TCERG1L: variants seen among roughly 807,000 people sequenced by gnomAD.
TCERG1L encodes transcription elongation regulator 1-like protein.
In TCERG1L, 37 loss-of-function variants were observed where a neutral mutation model predicts 56.3. That is an observed-to-expected ratio of 0.66 (90% confidence interval 0.51 to 0.87). TCERG1L has a LOEUF of 0.87. Among genes scored for constraint, TCERG1L ranks in the 40% least tolerant of loss-of-function variants. The probability of loss-of-function intolerance (pLI) is 0.00; values close to 1 mark genes in which losing one functional copy is unlikely to be tolerated. For synonymous variants in TCERG1L, 324 were observed against 326.3 expected, an observed-to-expected ratio of 0.99 and a Z score of 0.08; for missense variants, 799 against 774.2, an observed-to-expected ratio of 1.03 and a Z score of -0.38.
chr10:131,163,965 T>C (rs1846004497), intron 5 of TCERG1L: 1 of 151,876 alleles, frequency 6.6e-6, no homozygotes, highest in Non-Finnish European at 1.5e-5. Flanking sequence ...CCATCTCTAC[T>C]AAAAATACAA....
At chr10:131,100,939 C>T (rs527917349) in intron 10 of TCERG1L, among the ~76,000 whole-genome samples, 2 of 152,334 alleles carry the variant, frequency 1.3e-5, no homozygotes, top group Admixed American at 6.5e-5. Flanking sequence ...CCCTCCAGTG[C>T]ACTGGCTATG....
At chr10:131,223,341 C>T (rs879579141) in intron 4 of TCERG1L, among the ~76,000 whole-genome samples, 25 of 152,212 alleles carry the variant, frequency 1.6e-4, no homozygotes, top group Admixed American at 2.6e-4. Flanking sequence ...CCGCATGCTC[C>T]GCTGCCTGTT....
chr10:131,112,876 A>T (rs1845424623), intron 9 of TCERG1L, among the ~76,000 whole-genome samples: 1 of 141,996 alleles, frequency 7.0e-6, no homozygotes, highest in Non-Finnish European at 1.6e-5. Context: ...CAGGGTTTTC[A>T]CCTACTGACC....
chr10:131,176,110 G>C (rs1246301554), intron 4 of TCERG1L, among the ~76,000 whole-genome samples: 1 of 152,160 alleles, frequency 6.6e-6, no homozygotes, highest in African/African-American at 2.4e-5. Flanking sequence ...CCAGCAGTGG[G>C]TGTCCCTCCA....
In TCERG1L at chr10:131,141,927, C is replaced by T. The variant is rs1040026997; in HGVS notation, c.1189+4579G>A. Among the ~76,000 whole-genome samples the T allele has an allele frequency of 3.7e-4, 57 of 152,174 alleles. 1 individual carries two copies. Among genetic ancestry groups the T allele is most frequent in the African/African-American group, 1.2e-3 (51 of 41,444 alleles). The stretch of plus-strand genomic sequence containing the variant: ...GAGACTCTCCCAGCTCCCGCACATC[C>T]CAGCTCACCCCTTCCCTTGCACCGG... On this transcript the variant is annotated intron_variant, in intron 7 of 11. Transcript: ENST00000368642.
At chr10:131,258,426 C>T (rs1010970012) in intron 4 of TCERG1L, among the ~76,000 whole-genome samples, 1 of 152,212 alleles carries the variant, frequency 6.6e-6, no homozygotes, top group Non-Finnish European at 1.5e-5. Flanking sequence ...CAGGCAGTCC[C>T]ACCTCCCAAT....
Position 131,311,688 on chromosome 10 carries a change from T to G in TCERG1L, c.-53A>C, listed in dbSNP as rs1310314545. ...CGGGGGCGGCGGGCGCCCGAGATGC[T>G]GGGCCGGCGGCGGCGCGGCTCCGGA... On this transcript the variant is annotated 5_prime_UTR_variant, in exon 1 of 12. Transcript: ENST00000368642. This position sits in a 1 kb window ranked among gnomAD's most constrained non-coding sequence, Gnocchi z 4.0. 4 of 911,846 alleles carry G rather than the reference T, an allele frequency of 4.4e-6. No homozygotes were observed. In the Admixed American group the frequency reaches 1.6e-4, roughly 37 times the overall value. 56.5% of individuals were successfully genotyped at this position (911,846 alleles called of 1,614,324 possible).
chr10:131,309,169 CT>C lies in TCERG1L; in HGVS notation c.472del (p.Arg158GlyfsTer41). 1 of 1,608,540 alleles carries C rather than the reference CT, an allele frequency of 6.2e-7. No individual in the cohort carries two copies. The highest frequency in any genetic ancestry group is 8.5e-7 in the Non-Finnish European group (1 of 1,177,882). ...TPIGKSWIDK[R>X]IPNCKIFFNN... Reference sequence around the variant, plus strand: ...CGTTTTTACCTTACAGTTAGGAATCCTTTTGTCTATCCAACTTTTCCCAATA... The same window carrying C: ...CGTTTTTACCTTACAGTTAGGAATCCTTTGTCTATCCAACTTTTCCCAATA... On this transcript the variant is annotated frameshift_variant, in exon 2 of 12. Transcript: ENST00000368642. LOFTEE classifies it high-confidence loss of function.
At chr10:131,290,518 A>G (rs1846601552) in intron 3 of TCERG1L, among the ~76,000 whole-genome samples, 3 of 151,398 alleles carry the variant, frequency 2.0e-5, no homozygotes, top group Non-Finnish European at 1.5e-5. Flanking sequence ...GTAATCCAAG[A>G]TACTTGGGAG....
chr10:131,187,843 T>C (rs568172554), intron 4 of TCERG1L, among the ~76,000 whole-genome samples: 4 of 152,038 alleles, frequency 2.6e-5, no homozygotes, highest in Non-Finnish European at 5.9e-5. Flanking sequence ...TGTTAGCAGA[T>C]AGAAAGAAAA....
At chr10:131,117,750 G>A (rs1845474094) in intron 8 of TCERG1L, among the ~76,000 whole-genome samples, 3 of 152,224 alleles carry the variant, frequency 2.0e-5, no homozygotes, top group African/African-American at 7.2e-5. Flanking sequence ...AATGCTAGAG[G>A]CCTGCCTTTT....
chr10:131,210,838 G>C (rs539263187), intron 4 of TCERG1L, among the ~76,000 whole-genome samples: 1 of 152,136 alleles, frequency 6.6e-6, no homozygotes, highest in East Asian at 1.9e-4. Context: ...ATTAATTTGG[G>C]AGCAACAGTA....
intron 4 of TCERG1L, among the ~76,000 whole-genome samples, chr10:131,226,230 C>T: frequency 6.6e-6 from 1 of 152,134 alleles, no homozygotes; most frequent in East Asian, 1.9e-4. Context: ...TGTGATCCTC[C>T]ACACCCGGCT....
Position 131,176,524 on chromosome 10 carries a change from A to C in TCERG1L, c.857-9639T>G, listed in dbSNP as rs534020783. The stretch of plus-strand genomic sequence containing the variant: ...CATGCACACACAGAGACACATGCAC[A>C]CACAAACACGTGTACACCCACAGAG... On this transcript the variant is annotated intron_variant, in intron 4 of 11. Coordinates refer to ENST00000368642, the MANE Select transcript of TCERG1L (RefSeq NM_174937.4). Among the ~76,000 whole-genome samples, 8 of 148,306 alleles carry C rather than the reference A, an allele frequency of 5.4e-5. No individual in the cohort carries two copies. The East Asian group carries it at 1.6e-3, about 29-fold the overall frequency.
intron 4 of TCERG1L, among the ~76,000 whole-genome samples, chr10:131,180,935 C>T (rs533403545): frequency 9.9e-5 from 15 of 152,248 alleles, no homozygotes; most frequent in African/African-American, 3.4e-4. Context: ...TTATTAGCGA[C>T]GTCTATCACC....
chr10:131,277,351 G>A (rs529403541), intron 3 of TCERG1L, among the ~76,000 whole-genome samples: 39 of 152,296 alleles, frequency 2.6e-4, no homozygotes, highest in African/African-American at 7.9e-4. Context: ...GACAGTGCAC[G>A]CCCACCCCAA....
At chr10:131,270,826 C>T (rs991870394) in intron 3 of TCERG1L, among the ~76,000 whole-genome samples, 13 of 152,180 alleles carry the variant, frequency 8.5e-5, no homozygotes, top group Admixed American at 5.9e-4. Flanking sequence ...CACAAAGGCC[C>T]GCGGTGATGA....
intron 3 of TCERG1L, among the ~76,000 whole-genome samples, chr10:131,291,540 C>G (rs534109304): frequency 1.6e-3 from 245 of 148,840 alleles, no homozygotes; most frequent in Non-Finnish European, 3.0e-3. Flanking sequence ...CATTCTCCTG[C>G]CTCAGCCTCC....
intron 4 of TCERG1L, among the ~76,000 whole-genome samples, chr10:131,214,035 T>TACGCACACACACACGC (rs1845644237): frequency 9.8e-6 from 1 of 102,088 alleles, no homozygotes; most frequent in African/African-American, 3.4e-5. Context: ...TAATGTTACA[T>TACGCACACACACACGC]ACGCACACAC....
Sources: gnomAD v4.1 joint callset for allele counts (sites outside exome capture counted in the v4.1 genomes callset) on GRCh38, gnomAD v4.1.1 for gene constraint, Gnocchi (gnomAD v3.1) non-coding constraint, MANE v1.5 for transcripts, NCBI Gene and HGNC (gene_info 2026-07-23, HGNC 2026-07-21) for gene names.